The following GNA14 variants were observed in gnomAD, a reference collection of about 807,000 sequenced individuals.
GNA14 encodes the protein guanine nucleotide-binding protein subunit alpha-14.
In GNA14, 50 loss-of-function variants were observed where a neutral mutation model predicts 42.0. That is an observed-to-expected ratio of 1.19 (90% CI 0.95 to 1.51). GNA14 has a LOEUF of 1.51. Ranked by LOEUF, GNA14 falls within the 40% of genes most tolerant of loss-of-function variation. The probability of loss-of-function intolerance (pLI) is 0.00; values close to 1 mark genes in which losing one functional copy is unlikely to be tolerated. For synonymous variants in GNA14, 173 were observed against 163.1 expected, an observed-to-expected ratio of 1.06 and a Z score of -0.46; for missense variants, 473 against 446.2, an observed-to-expected ratio of 1.06 and a Z score of -0.54.
intron 1 of GNA14, among the ~76,000 whole-genome samples, chr9:77,538,073 T>C (rs1837618690): frequency 6.6e-6 from 1 of 151,418 alleles, no homozygotes; most frequent in African/African-American, 2.4e-5. Flanking sequence ...CTTCTTTTTT[T>C]TTTTTTTCCC....
In GNA14 at chr9:77,475,116, C is replaced by A. The variant is rs115735124; in HGVS notation, c.310-40594G>T. Reference sequence around the variant, plus strand: ...GTTTGTGTTGAAACAAGCCCAGAGGCAATGAAGAGACAACTCATCTATATT... The same window carrying A: ...GTTTGTGTTGAAACAAGCCCAGAGGAAATGAAGAGACAACTCATCTATATT... On this transcript the variant is annotated intron_variant, in intron 2 of 6. Coordinates refer to ENST00000341700, the MANE Select transcript of GNA14 (RefSeq NM_004297.4). 1.4e-3 allele frequency among the ~76,000 whole-genome samples: 213 copies of A among 151,986 alleles called. 1 individual carries two copies. The highest frequency in any genetic ancestry group is 4.9e-3 in the African/African-American group (204 of 41,346).
chr9:77,554,046 A>G (rs1822726097), intron 1 of GNA14, among the ~76,000 whole-genome samples: 2 of 152,170 alleles, frequency 1.3e-5, no homozygotes, highest in South Asian at 4.1e-4. Flanking sequence ...GAGGGAGTAC[A>G]GTAAAGGTTA....
At chr9:77,461,706 C>A (rs917765011) in intron 2 of GNA14, among the ~76,000 whole-genome samples, 1 of 152,010 alleles carries the variant, frequency 6.6e-6, no homozygotes, top group Non-Finnish European at 1.5e-5. Context: ...ATATATACCC[C>A]CCAAACATGC....
At chr9:77,611,256 T>C (rs1324458227) in intron 1 of GNA14, among the ~76,000 whole-genome samples, 1 of 152,212 alleles carries the variant, frequency 6.6e-6, no homozygotes, top group Non-Finnish European at 1.5e-5. Flanking sequence ...GGCTTTATTA[T>C]TCATTGCATA....
chr9:77,608,326 C>G (rs1424376672), intron 1 of GNA14, among the ~76,000 whole-genome samples: 1 of 152,146 alleles, frequency 6.6e-6, no homozygotes, highest in African/African-American at 2.4e-5. Context: ...CACAGGTTCA[C>G]AGATGGAGAG....
rs544573108 is a variant in GNA14, at chr9:77,637,932, T to G, written c.124+9738A>C. Among the ~76,000 whole-genome samples, 8 of 152,366 alleles carry G rather than the reference T, an allele frequency of 5.3e-5. No homozygotes were observed. In the South Asian group the frequency reaches 1.7e-3, roughly 32 times the overall value. ...CTTTTATTGCTACTCTCTGGTTTTA[T>G]ATGCAAAAGTTTATTCTGAAAAAAT... On this transcript the variant is annotated intron_variant, in intron 1 of 6. Coordinates refer to ENST00000341700, the MANE Select transcript of GNA14 (RefSeq NM_004297.4).
In GNA14 at chr9:77,423,782, A is replaced by G. The variant is rs1835410649; in HGVS notation, c.*197T>C. On this transcript the variant is annotated 3_prime_UTR_variant, in exon 7 of 7. Coordinates refer to ENST00000341700, the MANE Select transcript of GNA14 (RefSeq NM_004297.4). ...AAAATAATTATAAACACAATTTGGG[A>G]TGTAAGGACTTTTAAAGTATGTTGG... 2.7e-6 allele frequency: 1 copy of G among 368,466 alleles called. No individual in the cohort carries two copies. Among genetic ancestry groups the G allele is most frequent in the Non-Finnish European group, 4.9e-6 (1 of 205,516 alleles). 22.8% of individuals were successfully genotyped at this position (368,466 alleles called of 1,614,324 possible).
chr9:77,583,680 C>CCT (rs1418621150), intron 1 of GNA14, among the ~76,000 whole-genome samples: 7 of 152,274 alleles, frequency 4.6e-5, no homozygotes, highest in African/African-American at 1.4e-4. Flanking sequence ...TAACCGACTC[C>CCT]CCCACTCCAA....
At chr9:77,447,479 TC>T (rs1303377737) in intron 2 of GNA14, among the ~76,000 whole-genome samples, 1 of 152,218 alleles carries the variant, frequency 6.6e-6, no homozygotes, top group African/African-American at 2.4e-5. Context: ...GAATTCTATT[TC>T]TTTTTCAGTT....
At chr9:77,463,617 C>G (rs776764636) in intron 2 of GNA14, among the ~76,000 whole-genome samples, 1 of 152,194 alleles carries the variant, frequency 6.6e-6, no homozygotes, top group Non-Finnish European at 1.5e-5. Flanking sequence ...TTTGTTTCTT[C>G]AGCAAAGAAC....
chr9:77,572,864 T>C (rs1823080299), intron 1 of GNA14, among the ~76,000 whole-genome samples: 1 of 152,186 alleles, frequency 6.6e-6, no homozygotes, highest in Non-Finnish European at 1.5e-5. Context: ...AATAATTTAC[T>C]AAATGTTCCA....
In GNA14 at chr9:77,461,899, C is replaced by T. The variant is rs137953540; in HGVS notation, c.310-27377G>A. Among the ~76,000 whole-genome samples the T allele has an allele frequency of 6.7e-3, 1,014 of 152,046 alleles. 13 individuals carry two copies. The highest frequency in any genetic ancestry group is 0.042 in the South Asian group (202 of 4,814). ...CACACAATATATAATAAGCACATGC[C>T]TTATTGTGCACTTTAAGAATGTATG... On this transcript the variant is annotated intron_variant, in intron 2 of 6. Transcript: ENST00000341700.
intron 1 of GNA14, among the ~76,000 whole-genome samples, chr9:77,563,161 A>C (rs747417705): frequency 3.3e-5 from 5 of 152,184 alleles, no homozygotes; most frequent in Non-Finnish European, 7.4e-5. Context: ...CAGGAGCTAA[A>C]ACCAAATGAG....
intron 2 of GNA14, among the ~76,000 whole-genome samples, chr9:77,508,333 A>C (rs1456376365): frequency 6.6e-6 from 1 of 152,242 alleles, no homozygotes; most frequent in Non-Finnish European, 1.5e-5. Flanking sequence ...TTAGTGAAGG[A>C]CAGAACAAAT....
At chr9:77,580,469 C>A in intron 1 of GNA14, 1 of 366,440 alleles carries the variant, frequency 2.7e-6, no homozygotes, top group Non-Finnish European at 5.6e-6. Context: ...GACAATTAGC[C>A]CACACCAGAT....
intron 1 of GNA14, among the ~76,000 whole-genome samples, chr9:77,538,379 TTTTTG>T (rs761378477): frequency 6.6e-6 from 1 of 152,210 alleles, no homozygotes; most frequent in Non-Finnish European, 1.5e-5. Flanking sequence ...TGACCTGTTC[TTTTTG>T]CTCAGGATTG....
rs67044542 is a variant in GNA14 at position 77,603,956 on chromosome 9, C to CAAAAAAAAAAAAAAAAA, written c.124+43697_124+43713dup. Among the ~76,000 whole-genome samples, 82 of 81,602 alleles carry CAAAAAAAAAAAAAAAAA rather than the reference C, an allele frequency of 1.0e-3. 1 individual carries two copies. Among genetic ancestry groups the CAAAAAAAAAAAAAAAAA allele is most frequent in the Admixed American group, 1.1e-3 (6 of 5,414 alleles). 53.5% of individuals were successfully genotyped at this position (81,602 alleles called of 152,430 possible). A position where few individuals can be genotyped will look rare whatever the true frequency, so the allele number is the denominator to read the frequency against. ...AAGACTCCATCTCAAAAAAAAAAAA[C>CAAAAAAAAAAAAAAAAA]AAAAAAAAAAAAAAAAAAAAAAAAA... is the stretch of plus-strand genomic sequence containing the variant. On this transcript the variant is annotated intron_variant, in intron 1 of 6. Coordinates refer to ENST00000341700, the MANE Select transcript of GNA14 (RefSeq NM_004297.4).
rs1835441718 is a variant in GNA14, at chr9:77,425,632, C to T, written c.807G>A (p.Leu269=). ...WFLNSSVILF[L]NKKDLLEEKI... ...TCTCTTCCAAAAGATCCTTCTTGTT[C>T]AAGAATAAAATCACAGACGAATTCA... The change falls in exon 6 of 7, where the codon TTG becomes TTA. Residue 269 remains leucine (L), a synonymous_variant. Transcript: ENST00000341700. 8 of 1,608,848 alleles carry T rather than the reference C, an allele frequency of 5.0e-6. No individual in the cohort carries two copies. Among genetic ancestry groups the T allele is most frequent in the Non-Finnish European group, 6.8e-6 (8 of 1,175,428 alleles).
chr9:77,619,523 A>G (rs1823889456), intron 1 of GNA14, among the ~76,000 whole-genome samples: 1 of 152,172 alleles, frequency 6.6e-6, no homozygotes, highest in South Asian at 2.1e-4. Context: ...TACCAAGGGC[A>G]GCAGTAGGGA....
Sources: allele counts gnomAD v4.1 joint callset (sites outside exome capture counted in the v4.1 genomes callset), GRCh38; gene constraint gnomAD v4.1.1; transcripts MANE v1.5; gene names NCBI Gene and HGNC (gene_info 2026-07-23, HGNC 2026-07-21).